The following FAM107B variants were observed in gnomAD, a reference collection of about 807,000 sequenced individuals.
The protein encoded by FAM107B is protein FAM107B.
Under a neutral mutation model 31.5 loss-of-function variants are expected in FAM107B, and 21 were observed. The observed-to-expected ratio is 0.67, with a 90% CI of 0.47 to 0.96. The LOEUF (loss-of-function observed/expected upper bound fraction) is 0.96. FAM107B is among the 40% of genes least tolerant of loss of function. The pLI is 0.00. For synonymous variants in FAM107B, 157 were observed against 141.5 expected, an observed-to-expected ratio of 1.11 and a Z score of -0.78; for missense variants, 452 against 377.1, an observed-to-expected ratio of 1.20 and a Z score of -1.64.
intron 1 of FAM107B, among the ~76,000 whole-genome samples, chr10:14,710,497 A>G (rs1365469607): frequency 6.6e-6 from 1 of 151,532 alleles, no homozygotes; most frequent in Admixed American, 6.6e-5. Context: ...AAAAATACCA[A>G]TGCTTAGGCC....
chr10:14,667,970 G>A (rs1169217201), intron 1 of FAM107B, among the ~76,000 whole-genome samples: 2 of 152,146 alleles, frequency 1.3e-5, no homozygotes, highest in African/African-American at 2.4e-5. Context: ...TGCAACCCAG[G>A]GGCCCCCTGT....
At chr10:14,596,638 A>G (rs1425963595) in intron 2 of FAM107B, among the ~76,000 whole-genome samples, 1 of 152,072 alleles carries the variant, frequency 6.6e-6, no homozygotes, top group Non-Finnish European at 1.5e-5. Flanking sequence ...CTCAGGTCAA[A>G]CTCTACGTCT....
chr10:14,576,292 G>C (rs1020956449), intron 2 of FAM107B, among the ~76,000 whole-genome samples: 7 of 152,190 alleles, frequency 4.6e-5, no homozygotes, highest in African/African-American at 1.7e-4. Context: ...ACTTTGGGAG[G>C]CCGAGGCGGG....
intron 2 of FAM107B, among the ~76,000 whole-genome samples, chr10:14,559,301 G>A (rs1373632969): frequency 1.3e-5 from 2 of 152,120 alleles, no homozygotes; most frequent in South Asian, 2.1e-4. Context: ...GACCAAGCGC[G>A]TGAGCCAGCC....
chr10:14,649,279 T>C (rs1377352850), intron 2 of FAM107B, among the ~76,000 whole-genome samples: 1 of 152,232 alleles, frequency 6.6e-6, no homozygotes, highest in African/African-American at 2.4e-5. Context: ...AGATATTTTA[T>C]CCCAAAATAC....
chr10:14,548,963 T>C (rs1198137583), intron 2 of FAM107B, among the ~76,000 whole-genome samples: 1 of 152,152 alleles, frequency 6.6e-6, no homozygotes, highest in Non-Finnish European at 1.5e-5. Context: ...GTCATGAGGC[T>C]GCAGCCCACA....
Position 14,714,268 on chromosome 10 carries a change from A to G in FAM107B, c.412-46577T>C, listed in dbSNP as rs183487109. On this transcript the variant is annotated intron_variant, in intron 1 of 4. Transcript: ENST00000181796. Reference sequence around the variant, plus strand: ...CTAGGGTTGGAGTAGCATTGCTGGTAGGAGGGGGCTGGGTGGAGGCCCCCA... The same window carrying G: ...CTAGGGTTGGAGTAGCATTGCTGGTGGGAGGGGGCTGGGTGGAGGCCCCCA... Among the ~76,000 whole-genome samples, 377 of 152,346 alleles carry G rather than the reference A, an allele frequency of 2.5e-3. 2 individuals carry two copies. The highest frequency in any genetic ancestry group is 8.5e-3 in the African/African-American group (355 of 41,594).
At chr10:14,615,461 C>T (rs1852827895) in intron 2 of FAM107B, among the ~76,000 whole-genome samples, 1 of 152,228 alleles carries the variant, frequency 6.6e-6, no homozygotes, top group South Asian at 2.1e-4. Flanking sequence ...GTGAACTCTA[C>T]TCTAGCCAAG....
chr10:14,655,472 C>A lies in FAM107B; in HGVS notation c.469+12162G>T, dbSNP rs184932168. ...TCTTGCTCTGTCGCCTAGGCTGGAG[C>A]GCAGTGGCGCAATCTTGGCCCACTG... On this transcript the variant is annotated intron_variant, in intron 2 of 4. Transcript: ENST00000181796. 6.6e-4 allele frequency among the ~76,000 whole-genome samples: 101 copies of A among 152,302 alleles called. 2 individuals carry two copies. The East Asian group carries it at 0.018, about 28-fold the overall frequency.
At chr10:14,736,219 T>G (rs1378548908) in intron 1 of FAM107B, among the ~76,000 whole-genome samples, 5 of 152,080 alleles carry the variant, frequency 3.3e-5, no homozygotes, top group Non-Finnish European at 7.3e-5. Context: ...TGTTCTCTAG[T>G]TTTCAAGACA....
chr10:14,718,939 T>C (rs145933443), intron 1 of FAM107B, among the ~76,000 whole-genome samples: 2 of 152,306 alleles, frequency 1.3e-5, no homozygotes, highest in African/African-American at 4.8e-5. Context: ...AGTAAATTTT[T>C]ATTCCCAGTT....
intron 2 of FAM107B, among the ~76,000 whole-genome samples, chr10:14,576,833 A>G (rs1478316480): frequency 6.6e-6 from 1 of 152,236 alleles, no homozygotes; most frequent in East Asian, 1.9e-4. Context: ...AACCTAGTTA[A>G]GAACAGAAAT....
At chr10:14,571,692 T>A in intron 2 of FAM107B, 1 of 843,918 alleles carries the variant, frequency 1.2e-6, no homozygotes, top group Non-Finnish European at 1.4e-6. Context: ...AAGTCTAAGT[T>A]CACACAACAT....
At chr10:14,768,533 A>G (rs1833232183) in intron 1 of FAM107B, among the ~76,000 whole-genome samples, 1 of 152,248 alleles carries the variant, frequency 6.6e-6, no homozygotes, top group South Asian at 2.1e-4. Context: ...AGACCACTCA[A>G]TGGGGAAAAG....
chr10:14,701,284 G>A (rs147799117), intron 1 of FAM107B, among the ~76,000 whole-genome samples: 6,910 of 151,774 alleles, frequency 0.046, 255 homozygotes, highest in African/African-American at 0.1. Flanking sequence ...TCACTCTGTC[G>A]TCCAGGCTGG....
intron 2 of FAM107B, among the ~76,000 whole-genome samples, chr10:14,558,518 T>C (rs924781590): frequency 1.3e-5 from 2 of 152,226 alleles, no homozygotes; most frequent in Admixed American, 1.3e-4. Context: ...CAAAATTGGA[T>C]GGCAATTTCC....
At chr10:14,631,855 G>T (rs1362270544) in intron 2 of FAM107B, among the ~76,000 whole-genome samples, 1 of 152,156 alleles carries the variant, frequency 6.6e-6, no homozygotes, top group Non-Finnish European at 1.5e-5. Context: ...GTCACCAAAT[G>T]ATTAAGCATT....
intron 2 of FAM107B, among the ~76,000 whole-genome samples, chr10:14,626,049 C>T (rs182868315): frequency 6.6e-6 from 1 of 152,106 alleles, no homozygotes; most frequent in African/African-American, 2.4e-5. Context: ...TGGGTCCCCC[C>T]ACCCCGGTAC....
At chr10:14,678,379 T>G (rs1854741325) in intron 1 of FAM107B, among the ~76,000 whole-genome samples, 1 of 152,200 alleles carries the variant, frequency 6.6e-6, no homozygotes, top group African/African-American at 2.4e-5. Context: ...GTTTCCTGAT[T>G]GTATACACAA....
Sources: allele counts gnomAD v4.1 joint callset (sites outside exome capture counted in the v4.1 genomes callset), GRCh38; gene constraint gnomAD v4.1.1; transcripts MANE v1.5; gene names NCBI Gene and HGNC (gene_info 2026-07-23, HGNC 2026-07-21).